The following PCDHA13 variants were observed in gnomAD, a reference collection of about 807,000 sequenced individuals.
PCDHA13 encodes the protein protocadherin alpha 13, also known as protocadherin alpha-13.
Under a neutral mutation model 64.8 loss-of-function variants are expected in PCDHA13, and 54 were observed. The observed-to-expected ratio is 0.83, with a 90% CI of 0.67 to 1.04. PCDHA13 has a LOEUF of 1.04. Among genes scored for constraint, PCDHA13 ranks in the 50% least tolerant of loss-of-function variants. The pLI, the probability that PCDHA13 is intolerant of heterozygous loss-of-function variation, is 0.00. For synonymous variants in PCDHA13, 587 were observed against 564.4 expected (o/e 1.04, Z -0.57); for missense variants, 1,248 against 1,254.3 (o/e 0.99, Z 0.08).
intron 1 of PCDHA13, among the ~76,000 whole-genome samples, chr5:140,917,244 C>T (rs891511496): frequency 1.9e-4 from 29 of 149,864 alleles, no homozygotes; most frequent in Non-Finnish European, 3.0e-4. Flanking sequence ...CTAGGTACTA[C>T]GATTGCTCAC....
intron 1 of PCDHA13, among the ~76,000 whole-genome samples, chr5:140,886,842 A>AAG (rs2061180057): frequency 6.6e-6 from 1 of 151,638 alleles, no homozygotes; most frequent in African/African-American, 2.4e-5. Context: ...AAAAAAAAAA[A>AAG]AAAAAGAAAG....
At chr5:140,970,920 G>A (rs957123423) in intron 1 of PCDHA13, among the ~76,000 whole-genome samples, 2 of 152,266 alleles carry the variant, frequency 1.3e-5, no homozygotes, top group Non-Finnish European at 2.9e-5. Flanking sequence ...TTTATCAGAA[G>A]TGCCTGGTGT....
intron 1 of PCDHA13, among the ~76,000 whole-genome samples, chr5:140,958,935 G>A (rs1439446773): frequency 9.3e-6 from 1 of 107,572 alleles, no homozygotes; most frequent in African/African-American, 4.3e-5. Flanking sequence ...GCTCATACTT[G>A]TAATAATATT....
intron 1 of PCDHA13, among the ~76,000 whole-genome samples, chr5:140,974,980 G>C (rs149148015): frequency 6.6e-6 from 1 of 152,090 alleles, no homozygotes; most frequent in African/African-American, 2.4e-5. Flanking sequence ...TGAGTTGTCC[G>C]CTCAGGTATT....
chr5:140,883,398 G>C lies in PCDHA13; in HGVS notation c.1130G>C (p.Arg377Pro). Residue 377 changes from arginine to proline, a missense_variant, in exon 1 of 4, where the codon CGT becomes CCT. Transcript: ENST00000289272. Reference sequence around the variant, plus strand: ...ATTGCCCTAATCAGTGTGTCCGATCGTGACTCTGGCTCAAATGGACAGGTC... The same window carrying C: ...ATTGCCCTAATCAGTGTGTCCGATCCTGACTCTGGCTCAAATGGACAGGTC... ...AIIALISVSD[R>P]DSGSNGQVTC... is the part of the protein sequence containing the mutation. The C allele has an allele frequency of 6.2e-7, 1 of 1,614,166 alleles. No homozygotes were observed. Among genetic ancestry groups the C allele is most frequent in the Non-Finnish European group, 8.5e-7 (1 of 1,180,028 alleles).
In PCDHA13 at chr5:140,884,479, C is replaced by A. The variant is rs1554181619; in HGVS notation, c.2211C>A (p.Pro737=). ...PTEGACAPGK[P]TLVCSSAAGS... ...AGGGCGCGTGCGCGCCGGGCAAGCCCACTCTAGTGTGCTCCAGCGCGGCAG... is the reference window on the plus strand; with the variant it reads ...AGGGCGCGTGCGCGCCGGGCAAGCCAACTCTAGTGTGCTCCAGCGCGGCAG... The change falls in exon 1 of 4, where the codon CCC becomes CCA. Residue 737 remains proline, a synonymous_variant. Transcript: ENST00000289272. 1.2e-6 allele frequency: 2 copies of A among 1,613,914 alleles called. No homozygotes were observed. Among genetic ancestry groups the A allele is most frequent in the African/African-American group, 1.3e-5 (1 of 75,058 alleles).
At chr5:140,966,709 G>T in intron 1 of PCDHA13, 2 of 1,387,174 alleles carry the variant, frequency 1.4e-6, no homozygotes, top group Non-Finnish European at 1.9e-6. Flanking sequence ...CGTGGGGCAC[G>T]GCTGGGGAAG....
chr5:140,913,942 T>A (rs1489221369), intron 1 of PCDHA13, among the ~76,000 whole-genome samples: 10 of 152,198 alleles, frequency 6.6e-5, no homozygotes, highest in African/African-American at 2.4e-4. Flanking sequence ...GAGAAGAATC[T>A]TGATATGATA....
intron 3 of PCDHA13, 100 bp from the exon 4 acceptor site, chr5:141,009,527 G>A: frequency 6.6e-7 from 1 of 1,507,930 alleles, no homozygotes; most frequent in South Asian, 1.4e-5. Context: ...TTTCTGGGGA[G>A]GTTCAGCCTG....
chr5:140,982,648 G>T, intron 3 of PCDHA13, 85 bp downstream of exon 3: 5 of 1,508,154 alleles, frequency 3.3e-6, no homozygotes, highest in Non-Finnish European at 4.4e-6. Flanking sequence ...GAATGTTGAT[G>T]GCTCTTTTTC....
At chr5:140,969,304 C>CA in intron 1 of PCDHA13, 3 of 1,614,160 alleles carry the variant, frequency 1.9e-6, no homozygotes, top group Non-Finnish European at 2.5e-6. Flanking sequence ...TGATTATTCT[C>CA]AAAAATGAGG....
intron 3 of PCDHA13, among the ~76,000 whole-genome samples, chr5:140,991,401 T>C (rs1271447254): frequency 6.6e-6 from 1 of 152,218 alleles, no homozygotes; most frequent in Non-Finnish European, 1.5e-5. Context: ...TGTATTTATT[T>C]CCCATTATGC....
intron 1 of PCDHA13, among the ~76,000 whole-genome samples, chr5:140,897,980 A>C (rs1313292712): frequency 6.6e-6 from 1 of 152,206 alleles, no homozygotes. Context: ...GGCTGCATAA[A>C]TGTCTTCTTT....
intron 1 of PCDHA13, among the ~76,000 whole-genome samples, chr5:140,906,871 A>G (rs953788729): frequency 6.6e-6 from 1 of 152,184 alleles, no homozygotes; most frequent in African/African-American, 2.4e-5. Flanking sequence ...CCCAGCCAAC[A>G]CTGTAACTTC....
chr5:140,941,963 T>A (rs2093209364), intron 1 of PCDHA13, among the ~76,000 whole-genome samples: 1 of 152,230 alleles, frequency 6.6e-6, no homozygotes. Flanking sequence ...CAATAGTATC[T>A]TTACTTTCCC....
At chr5:140,915,710 C>T (rs2077269471) in intron 1 of PCDHA13, among the ~76,000 whole-genome samples, 1 of 151,918 alleles carries the variant, frequency 6.6e-6, no homozygotes, top group South Asian at 2.1e-4. Flanking sequence ...ACTCCTGTGG[C>T]CCCCACTTTG....
intron 1 of PCDHA13, among the ~76,000 whole-genome samples, chr5:140,887,378 G>C (rs1407679123): frequency 6.6e-6 from 1 of 152,176 alleles, no homozygotes; most frequent in East Asian, 1.9e-4. Flanking sequence ...TTACAGGTGT[G>C]AGCCACCGCG....
intron 3 of PCDHA13, among the ~76,000 whole-genome samples, chr5:140,984,534 G>C (rs1261585417): frequency 6.6e-6 from 1 of 152,136 alleles, no homozygotes; most frequent in Non-Finnish European, 1.5e-5. Context: ...TTCATGGACT[G>C]TGCTGGATAG....
chr5:141,004,632 GA>G (rs1401867459), intron 3 of PCDHA13, among the ~76,000 whole-genome samples: 19 of 152,200 alleles, frequency 1.2e-4, no homozygotes, highest in African/African-American at 3.4e-4. Context: ...TATGGTTGAA[GA>G]AAAATTTCCA....
Sources: allele counts gnomAD v4.1 joint callset (sites outside exome capture counted in the v4.1 genomes callset), GRCh38; gene constraint gnomAD v4.1.1; transcripts MANE v1.5; gene names NCBI Gene and HGNC (gene_info 2026-07-23, HGNC 2026-07-21).